The following LARGE1 variants were observed in gnomAD, a reference collection of about 807,000 sequenced individuals.
LARGE1 encodes LARGE xylosyl- and glucuronyltransferase 1.
LARGE1 carries 43 observed loss-of-function variants against 87.6 expected under a neutral mutation model. The ratio of observed to expected loss-of-function variants is 0.49; its 90% CI spans 0.38 to 0.63. The LOEUF is 0.63. LARGE1 is among the 30% of genes least tolerant of loss of function. LARGE1 has a pLI of 0.00. For missense variants in LARGE1, 802 were observed against 1,000.2 expected (o/e 0.80, Z 2.67); for synonymous variants, 434 against 394.6 (o/e 1.10, Z -1.18).
chr22:33,898,050 C>T (rs1438945751), intron 1 of LARGE1, among the ~76,000 whole-genome samples: 2 of 152,184 alleles, frequency 1.3e-5, no homozygotes, highest in South Asian at 2.1e-4. Context: ...TCACTCCTTT[C>T]AGCATACACG....
At chr22:33,340,872 C>T (rs1939065066) in intron 9 of LARGE1, among the ~76,000 whole-genome samples, 1 of 151,862 alleles carries the variant, frequency 6.6e-6, no homozygotes, top group African/African-American at 2.4e-5. Flanking sequence ...ATGTCTGATT[C>T]CCAAGCCCAC....
chr22:33,099,878 C>T, the LARGE1 span, among the ~76,000 whole-genome samples: 1 of 152,192 alleles, frequency 6.6e-6, no homozygotes, highest in Non-Finnish European at 1.5e-5. Flanking sequence ...CAGGAAGAGA[C>T]ACAAAATCCT....
chr22:33,834,397 T>C (rs969366497), intron 1 of LARGE1, among the ~76,000 whole-genome samples: 1 of 152,198 alleles, frequency 6.6e-6, no homozygotes, highest in African/African-American at 2.4e-5. Flanking sequence ...AATGGCAGGT[T>C]CCTGCCTTAA....
intron 6 of LARGE1, among the ~76,000 whole-genome samples, chr22:33,461,842 G>C (rs1397840744): frequency 6.6e-6 from 1 of 152,100 alleles, no homozygotes; most frequent in Non-Finnish European, 1.5e-5. Flanking sequence ...CCCACATAGA[G>C]GAAAAATGAT....
chr22:33,623,944 C>T (rs1184180178), intron 4 of LARGE1, among the ~76,000 whole-genome samples: 1 of 151,954 alleles, frequency 6.6e-6, no homozygotes, highest in Non-Finnish European at 1.5e-5. Context: ...GCAGGAGAAT[C>T]GCTGGAATCC....
chr22:33,161,264 A>T (rs1381335217), downstream of LARGE1, among the ~76,000 whole-genome samples: 1 of 152,150 alleles, frequency 6.6e-6, no homozygotes, highest in Non-Finnish European at 1.5e-5. Context: ...CATGGGGATG[A>T]TGGGAACTAG....
At chr22:33,681,241 T>C (rs1311327416) in intron 2 of LARGE1, among the ~76,000 whole-genome samples, 1 of 152,204 alleles carries the variant, frequency 6.6e-6, no homozygotes, top group Non-Finnish European at 1.5e-5. Context: ...TTTTAACAAG[T>C]TGTCACCCCA....
intron 7 of LARGE1, among the ~76,000 whole-genome samples, chr22:33,412,238 C>T (rs1440540519): frequency 2.0e-5 from 3 of 151,998 alleles, no homozygotes; most frequent in Admixed American, 6.6e-5. Context: ...GAGCCAAGAT[C>T]GCACCATTGC....
rs529254989 is a variant in LARGE1, at chr22:33,491,236, T to C, written c.788-58971A>G. Among the ~76,000 whole-genome samples, 7 of 152,292 alleles carry C rather than the reference T, an allele frequency of 4.6e-5. No homozygotes were observed. In the South Asian group the frequency reaches 1.5e-3, roughly 32 times the overall value. ...CCAAATTTAGGGACATTTTAAAAGC[T>C]CGAGGGCACTAAAATGCTGTTTCCT... On this transcript the variant is annotated intron_variant, in intron 6 of 14. Coordinates refer to ENST00000397394, the MANE Select transcript of LARGE1 (RefSeq NM_133642.5).
At chr22:33,561,003 A>G (rs1226894851) in intron 6 of LARGE1, among the ~76,000 whole-genome samples, 1 of 152,078 alleles carries the variant, frequency 6.6e-6, no homozygotes, top group South Asian at 2.1e-4. Context: ...TTTAGTAGAA[A>G]TGGGGTTTCA....
chr22:33,742,716 A>G (rs1022591163), intron 2 of LARGE1, among the ~76,000 whole-genome samples: 16 of 152,268 alleles, frequency 1.1e-4, no homozygotes, highest in African/African-American at 3.9e-4. Context: ...AATAAAAACA[A>G]AAGTACAATG....
At chr22:33,337,066 A>G (rs528021757) in intron 10 of LARGE1, among the ~76,000 whole-genome samples, 2 of 152,124 alleles carry the variant, frequency 1.3e-5, no homozygotes, top group Non-Finnish European at 2.9e-5. Context: ...GTCAAAAAAA[A>G]AAAAAAAAGT....
intron 3 of LARGE1, 37 bp from the exon 4 acceptor site, chr22:33,626,363 G>C: frequency 3.2e-6 from 5 of 1,548,520 alleles, no homozygotes; most frequent in Non-Finnish European, 4.5e-6. Context: ...CAGTCAGACA[G>C]ACGGAAGGAG....
At chr22:33,089,322 T>TTCTTCC in the LARGE1 span, among the ~76,000 whole-genome samples, 9 of 14,914 alleles carry the variant, frequency 6.0e-4, no homozygotes, top group African/African-American at 3.1e-3. Flanking sequence ...TCTTTCTTCT[T>TTCTTCC]TCTTCTTCTT....
In LARGE1 at chr22:33,635,225, C is replaced by T. The variant is rs2080235801; in HGVS notation, c.409-8899G>A. Among the ~76,000 whole-genome samples, 3 of 152,198 alleles carry T rather than the reference C, an allele frequency of 2.0e-5. No individual in the cohort carries two copies. In the South Asian group the frequency reaches 6.2e-4, roughly 32 times the overall value. On this transcript the variant is annotated intron_variant, in intron 3 of 14. Coordinates refer to ENST00000397394, the MANE Select transcript of LARGE1 (RefSeq NM_133642.5). The stretch of plus-strand genomic sequence containing the variant: ...CCCATTCCCTGGAATGCAGACCGTA[C>T]AGGGGATCGAGGCCCTTTATTTTTG...
chr22:33,786,578 G>T (rs902638178), intron 1 of LARGE1, among the ~76,000 whole-genome samples: 3 of 152,170 alleles, frequency 2.0e-5, no homozygotes, highest in Admixed American at 6.5e-5. Flanking sequence ...CCTCCAGAGG[G>T]TCTCCGAGAA....
chr22:33,094,306 T>G, the LARGE1 span, among the ~76,000 whole-genome samples: 1 of 152,132 alleles, frequency 6.6e-6, no homozygotes, highest in Non-Finnish European at 1.5e-5. Context: ...GCTCCCCATC[T>G]TTTGCACGGA....
At chr22:33,104,975 T>C in the LARGE1 span, among the ~76,000 whole-genome samples, 1 of 149,192 alleles carries the variant, frequency 6.7e-6, no homozygotes, top group East Asian at 2.1e-4. Context: ...CTTTCTTTCT[T>C]TCTTTTTCTT....
intron 2 of LARGE1, among the ~76,000 whole-genome samples, chr22:33,689,547 T>C (rs1345220046): frequency 1.3e-5 from 2 of 151,908 alleles, no homozygotes; most frequent in African/African-American, 2.4e-5. Flanking sequence ...AAGGAATATA[T>C]TGAGGAGTCC....
Sources: gnomAD v4.1 joint callset for allele counts (sites outside exome capture counted in the v4.1 genomes callset) on GRCh38, gnomAD v4.1.1 for gene constraint, MANE v1.5 for transcripts, NCBI Gene and HGNC (gene_info 2026-07-23, HGNC 2026-07-21) for gene names.